The following RAB11FIP4 variants were observed in gnomAD, a reference collection of about 807,000 sequenced individuals.
RAB11FIP4 encodes rab11 family-interacting protein 4.
A neutral mutation model predicts 74.3 loss-of-function variants in RAB11FIP4; 23 were observed. The ratio of observed to expected loss-of-function variants is 0.31; its 90% confidence interval spans 0.22 to 0.44. RAB11FIP4 has a LOEUF of 0.44. RAB11FIP4 is among the 20% of genes least tolerant of loss of function. The pLI is 1.00. For synonymous variants in RAB11FIP4, 360 were observed against 359.9 expected, an observed-to-expected ratio of 1.00 and a Z score of 0.00; for missense variants, 630 against 863.9, an observed-to-expected ratio of 0.73 and a Z score of 3.39.
intron 3 of RAB11FIP4, among the ~76,000 whole-genome samples, chr17:31,439,555 G>A (rs905334830): frequency 6.6e-6 from 1 of 152,110 alleles, no homozygotes; most frequent in African/African-American, 2.4e-5. Context: ...GCCCATTTTC[G>A]ATATGGTTGT....
chr17:31,530,574 G>A, intron 14 of RAB11FIP4, 105 bp downstream of exon 14: 1 of 1,436,602 alleles, frequency 7.0e-7, no homozygotes, highest in Non-Finnish European at 9.5e-7. Flanking sequence ...GGGCCTGGCA[G>A]AGAGTCCCAT....
intron 3 of RAB11FIP4, among the ~76,000 whole-genome samples, chr17:31,477,002 G>C (rs1394880349): frequency 6.6e-6 from 1 of 152,224 alleles, no homozygotes; most frequent in Non-Finnish European, 1.5e-5. Flanking sequence ...CAGGCCCCAG[G>C]GAGCCGCCCT....
At position 31,536,178 on chromosome 17, in the gene RAB11FIP4, T is replaced by C. The variant is rs1312821812; in HGVS notation, c.*4446T>C. On this transcript the variant is annotated 3_prime_UTR_variant, in exon 15 of 15. Coordinates refer to ENST00000621161, the MANE Select transcript of RAB11FIP4 (RefSeq NM_032932.6). ...GTCCTGTGTGTGTGGTGGGGTTTAATGCATTAGCAAATTTAAACTTAAAAA... is the reference window on the plus strand; with the variant it reads ...GTCCTGTGTGTGTGGTGGGGTTTAACGCATTAGCAAATTTAAACTTAAAAA... 2 of 152,146 alleles carry C rather than the reference T, an allele frequency of 1.3e-5. No homozygotes were observed. The highest frequency in any genetic ancestry group is 4.8e-5 in the African/African-American group (2 of 41,412). The allele number at this position is 152,146 out of a possible 1,614,324, so 9.4% of individuals were successfully genotyped here. A position where few individuals can be genotyped will look rare whatever the true frequency, so the allele number is the denominator to read the frequency against.
Position 31,391,778 on chromosome 17 carries a change from C to T in RAB11FIP4, c.-75C>T. 1.0e-6 allele frequency: 1 copy of T among 960,730 alleles called. No homozygotes were observed. Among genetic ancestry groups the T allele is most frequent in the South Asian group, 4.6e-5 (1 of 21,674 alleles). The allele number at this position is 960,730 out of a possible 1,614,324, so 59.5% of individuals were successfully genotyped here. A position where few individuals can be genotyped will look rare whatever the true frequency, so the allele number is the denominator to read the frequency against. ...CCCAGACGGGCGGCCCCGGAGGGCG[C>T]GCGGCGATGGCGGCGGCGGGCAGGC... On this transcript the variant is annotated 5_prime_UTR_variant, in exon 1 of 15. Coordinates refer to ENST00000621161, the MANE Select transcript of RAB11FIP4 (RefSeq NM_032932.6).
chr17:31,487,713 G>A (rs1376087965), intron 3 of RAB11FIP4, among the ~76,000 whole-genome samples: 38 of 152,048 alleles, frequency 2.5e-4, no homozygotes, highest in Non-Finnish European at 5.9e-5. Context: ...AAACCGTGAG[G>A]GTGGCGCAGA....
chr17:31,470,048 A>C (rs1305776635), intron 3 of RAB11FIP4, among the ~76,000 whole-genome samples: 1 of 152,156 alleles, frequency 6.6e-6, no homozygotes, highest in African/African-American at 2.4e-5. Context: ...CTGCAGACTC[A>C]TGTGACCTCA....
At chr17:31,503,307 G>A (rs1433286511) in intron 3 of RAB11FIP4, among the ~76,000 whole-genome samples, 2 of 149,738 alleles carry the variant, frequency 1.3e-5, no homozygotes, top group African/African-American at 5.1e-5. Flanking sequence ...TGCTGGGATT[G>A]TAGGTGTGAG....
chr17:31,445,113 AG>A (rs2071438987), intron 3 of RAB11FIP4, among the ~76,000 whole-genome samples: 1 of 152,190 alleles, frequency 6.6e-6, no homozygotes, highest in Non-Finnish European at 1.5e-5. Context: ...TAAACCTCTG[AG>A]GGCCCAAGCT....
chr17:31,492,024 A>G (rs895862430), intron 3 of RAB11FIP4, among the ~76,000 whole-genome samples: 3 of 152,212 alleles, frequency 2.0e-5, no homozygotes, highest in Non-Finnish European at 2.9e-5. Flanking sequence ...TGTCTCTGAC[A>G]GCTGCCTGGG....
intron 3 of RAB11FIP4, chr17:31,488,227 G>A: frequency 5.2e-6 from 6 of 1,143,146 alleles, no homozygotes; most frequent in Non-Finnish European, 6.4e-6. Context: ...CGCCTCTGCC[G>A]GGGAGCGGCC....
In RAB11FIP4 at chr17:31,533,299, T is replaced by C. The variant is rs1223334948; in HGVS notation, c.*1567T>C. 6.6e-6 allele frequency: 1 copy of C among 152,224 alleles called. No individual in the cohort carries two copies. The highest frequency in any genetic ancestry group is 1.5e-5 in the Non-Finnish European group (1 of 68,108). 9.4% of individuals were successfully genotyped at this position (152,224 alleles called of 1,614,324 possible). On this transcript the variant is annotated 3_prime_UTR_variant, in exon 15 of 15. Transcript: ENST00000621161. Reference sequence around the variant, plus strand: ...GATCTCGTGGCTTCTTTTTAATCTTTTGTTGGGGATTAGTTTCATGCTGCA... The same window carrying C: ...GATCTCGTGGCTTCTTTTTAATCTTCTGTTGGGGATTAGTTTCATGCTGCA...
At chr17:31,475,779 G>A (rs1014809282) in intron 3 of RAB11FIP4, among the ~76,000 whole-genome samples, 11 of 142,162 alleles carry the variant, frequency 7.7e-5, no homozygotes, top group Non-Finnish European at 1.5e-4. Context: ...TTAGTGCCAC[G>A]TTTTCTGCAT....
Position 31,490,612 on chromosome 17 carries a change from G to T in RAB11FIP4, c.337-27039G>T, listed in dbSNP as rs554439605. Among the ~76,000 whole-genome samples the T allele has an allele frequency of 2.9e-4, 44 of 152,118 alleles. No homozygotes were observed. The South Asian group carries it at 2.9e-3, about 10-fold the overall frequency. The stretch of plus-strand genomic sequence containing the variant: ...GCTCTATGGCCCAAGCTGGAGTCAA[G>T]TGGTGTGATCAGGGCTCACTGCAGC... On this transcript the variant is annotated intron_variant, in intron 3 of 14. Coordinates refer to ENST00000621161, the MANE Select transcript of RAB11FIP4 (RefSeq NM_032932.6).
In RAB11FIP4 at chr17:31,532,211, AG is replaced by A; in HGVS notation, c.*480del. ...AATGCCCCATATTTGTGTCCTCGCC[AG>A]CTCTTTGGCCACCTTTCAAGCCCCA... On this transcript the variant is annotated 3_prime_UTR_variant, in exon 15 of 15. Transcript: ENST00000621161. 1 of 156,894 alleles carries A rather than the reference AG, an allele frequency of 6.4e-6. No homozygotes were observed. Among genetic ancestry groups the A allele is most frequent in the Non-Finnish European group, 1.4e-5 (1 of 70,412 alleles). The allele number at this position is 156,894 out of a possible 1,614,324, so 9.7% of individuals were successfully genotyped here.
chr17:31,454,646 G>T (rs1422239261), intron 3 of RAB11FIP4, among the ~76,000 whole-genome samples: 1 of 152,090 alleles, frequency 6.6e-6, no homozygotes, highest in Non-Finnish European at 1.5e-5. Context: ...CACTTTGGGA[G>T]GCCGAGGCAG....
chr17:31,410,810 G>C (rs1283276798), intron 1 of RAB11FIP4, among the ~76,000 whole-genome samples: 1 of 152,190 alleles, frequency 6.6e-6, no homozygotes, highest in Non-Finnish European at 1.5e-5. Flanking sequence ...CCAGGGCCCT[G>C]GTTGAAGACC....
chr17:31,412,909 G>A (rs927168754), intron 1 of RAB11FIP4, among the ~76,000 whole-genome samples: 11 of 152,172 alleles, frequency 7.2e-5, no homozygotes, highest in South Asian at 2.1e-4. Context: ...CAGAGAGGTC[G>A]GGGTCTGCCA....
At chr17:31,499,635 A>G (rs1470275049) in intron 3 of RAB11FIP4, among the ~76,000 whole-genome samples, 3 of 152,294 alleles carry the variant, frequency 2.0e-5, no homozygotes, top group Non-Finnish European at 4.4e-5. Context: ...GATTACAGGC[A>G]TGAGCCACCG....
At chr17:31,411,867 G>A (rs2071099887) in intron 1 of RAB11FIP4, among the ~76,000 whole-genome samples, 1 of 152,378 alleles carries the variant, frequency 6.6e-6, no homozygotes, top group South Asian at 2.1e-4. Flanking sequence ...AGAAGGTGCA[G>A]TTGCAGCAGA....
Sources: gnomAD v4.1 joint callset for allele counts (sites outside exome capture counted in the v4.1 genomes callset) on GRCh38, gnomAD v4.1.1 for gene constraint, MANE v1.5 for transcripts, NCBI Gene and HGNC (gene_info 2026-07-23, HGNC 2026-07-21) for gene names.